CHST9: variants seen among roughly 807,000 people sequenced by gnomAD.
CHST9 encodes the protein carbohydrate sulfotransferase 9, also known as GalNAc-4-sulfotransferase 2.
Under a neutral mutation model 44.4 loss-of-function variants are expected in CHST9, and 41 were observed. The ratio of observed to expected loss-of-function variants is 0.92; its 90% CI spans 0.72 to 1.20. CHST9 has a LOEUF of 1.20. Ranked by LOEUF, CHST9 falls within the 50% of genes most tolerant of loss-of-function variation. The pLI is 0.00. For synonymous variants in CHST9, 171 were observed against 178.4 expected, an observed-to-expected ratio of 0.96 and a Z score of 0.33; for missense variants, 504 against 516.5, an observed-to-expected ratio of 0.98 and a Z score of 0.23.
intron 2 of CHST9, among the ~76,000 whole-genome samples, chr18:27,086,716 C>A (rs948269292): frequency 6.6e-6 from 1 of 151,984 alleles, no homozygotes; most frequent in Non-Finnish European, 1.5e-5. Flanking sequence ...TTTAAAAAAA[C>A]ACATACACAT....
rs539545350 is a variant in CHST9 at position 26,945,233 on chromosome 18, G to C, written c.203-867C>G. On this transcript the variant is annotated intron_variant, in intron 4 of 5. Coordinates refer to ENST00000618847, the MANE Select transcript of CHST9 (RefSeq NM_031422.6). Reference sequence around the variant, plus strand: ...TTTAATTTTAATTGAAATAACTGTTGAGTCACATGTAGTTGTAAGAAATAA... The same window carrying C: ...TTTAATTTTAATTGAAATAACTGTTCAGTCACATGTAGTTGTAAGAAATAA... Among the ~76,000 whole-genome samples the C allele has an allele frequency of 2.0e-5, 3 of 152,238 alleles. No individual in the cohort carries two copies. In the South Asian group the frequency reaches 6.2e-4, roughly 32 times the overall value.
At chr18:27,055,937 C>CATGT (rs1555680082) in intron 2 of CHST9, among the ~76,000 whole-genome samples, 3 of 147,344 alleles carry the variant, frequency 2.0e-5, no homozygotes, top group Non-Finnish European at 4.5e-5. Flanking sequence ...TTCTCTCTTT[C>CATGT]GTGTGTGTGT....
At chr18:26,994,512 G>A (rs2056862029) in intron 4 of CHST9, among the ~76,000 whole-genome samples, 1 of 152,040 alleles carries the variant, frequency 6.6e-6, no homozygotes, top group Non-Finnish European at 1.5e-5. Flanking sequence ...CTCCCAAATG[G>A]CTCTCAGTGG....
At chr18:26,968,540 C>A (rs1213675403) in intron 4 of CHST9, among the ~76,000 whole-genome samples, 4 of 152,030 alleles carry the variant, frequency 2.6e-5, no homozygotes, top group Admixed American at 6.6e-5. Context: ...AAATTAGATA[C>A]CTGTGTGCCA....
At chr18:27,107,001 C>A (rs1280671570) in intron 2 of CHST9, among the ~76,000 whole-genome samples, 1 of 152,038 alleles carries the variant, frequency 6.6e-6, no homozygotes, top group Non-Finnish European at 1.5e-5. Context: ...ACCGACATAG[C>A]TTAAATGTGG....
chr18:26,920,057 A>C (rs990695290), intron 5 of CHST9, among the ~76,000 whole-genome samples: 2 of 151,986 alleles, frequency 1.3e-5, no homozygotes, highest in Non-Finnish European at 2.9e-5. Context: ...TGATCTGTCC[A>C]CTTTACACAC....
At chr18:27,176,381 A>G (rs1486711116) in intron 1 of CHST9, among the ~76,000 whole-genome samples, 1 of 152,014 alleles carries the variant, frequency 6.6e-6, no homozygotes, top group Admixed American at 6.6e-5. Flanking sequence ...TTTCTACACA[A>G]AGGATGGTGA....
intron 3 of CHST9, among the ~76,000 whole-genome samples, chr18:27,048,079 T>A (rs1047979371): frequency 2.6e-5 from 4 of 152,086 alleles, no homozygotes; most frequent in Non-Finnish European, 4.4e-5. Flanking sequence ...CTGAAAAGCA[T>A]CCACTACATA....
At chr18:27,087,940 A>T (rs1195475432) in intron 2 of CHST9, among the ~76,000 whole-genome samples, 2 of 152,202 alleles carry the variant, frequency 1.3e-5, no homozygotes, top group Non-Finnish European at 2.9e-5. Context: ...CAAGAAGATC[A>T]TGTTAAAAAT....
intron 3 of CHST9, among the ~76,000 whole-genome samples, chr18:27,042,763 TTCTC>T (rs951335611): frequency 1.2e-4 from 18 of 151,678 alleles, no homozygotes; most frequent in African/African-American, 1.9e-4. Context: ...GATTAAGCTC[TTCTC>T]TCTCTATCTC....
intron 4 of CHST9, among the ~76,000 whole-genome samples, chr18:26,970,861 C>G (rs891417655): frequency 3.9e-5 from 6 of 152,138 alleles, no homozygotes; most frequent in African/African-American, 9.7e-5. Context: ...TGGCCTCTAC[C>G]CATGGTGATA....
chr18:27,053,246 GAAGA>G, intron 2 of CHST9, among the ~76,000 whole-genome samples: 6 of 100,760 alleles, frequency 6.0e-5, no homozygotes, highest in Non-Finnish European at 1.1e-4. Context: ...AGAAGAAGAA[GAAGA>G]AGAAGAAGAA....
At chr18:26,987,040 A>G (rs2056761914) in intron 4 of CHST9, among the ~76,000 whole-genome samples, 1 of 152,166 alleles carries the variant, frequency 6.6e-6, no homozygotes, top group Non-Finnish European at 1.5e-5. Context: ...GCTTTTCCCC[A>G]CCAAAATTCA....
intron 4 of CHST9, among the ~76,000 whole-genome samples, chr18:26,999,830 C>G (rs893069111): frequency 6.6e-6 from 1 of 152,018 alleles, no homozygotes; most frequent in African/African-American, 2.4e-5. Flanking sequence ...TAAGGGAAGT[C>G]TATGGATAAA....
At chr18:27,116,578 G>C (rs2058322413) in intron 2 of CHST9, among the ~76,000 whole-genome samples, 1 of 152,090 alleles carries the variant, frequency 6.6e-6, no homozygotes, top group Non-Finnish European at 1.5e-5. Context: ...GTTATTCTGA[G>C]TCTCTTGAAT....
chr18:26,933,484 C>T (rs955367860), intron 5 of CHST9: 2 of 153,364 alleles, frequency 1.3e-5, no homozygotes, highest in African/African-American at 2.4e-5. Context: ...CCGTGAGAAC[C>T]TCGCGCTAAG....
At chr18:27,168,860 A>C (rs1567947642) in intron 1 of CHST9, among the ~76,000 whole-genome samples, 1 of 152,238 alleles carries the variant, frequency 6.6e-6, no homozygotes, top group Non-Finnish European at 1.5e-5. Context: ...ATGTAAAGGG[A>C]GATTACCCTG....
rs191206893 is a variant in CHST9, at chr18:26,949,525, C to T, written c.203-5159G>A. Reference sequence around the variant, plus strand: ...GAGACCCTGTCTGAAAATAAACAAACAAACAAACAAAAAGATACAATGGGA... The same window carrying T: ...GAGACCCTGTCTGAAAATAAACAAATAAACAAACAAAAAGATACAATGGGA... On this transcript the variant is annotated intron_variant, in intron 4 of 5. Coordinates refer to ENST00000618847, the MANE Select transcript of CHST9 (RefSeq NM_031422.6). Among the ~76,000 whole-genome samples, 365 of 150,760 alleles carry T rather than the reference C, an allele frequency of 2.4e-3. 4 individuals are homozygous for T. The highest frequency in any genetic ancestry group is 8.6e-3 in the African/African-American group (353 of 41,034).
intron 2 of CHST9, among the ~76,000 whole-genome samples, chr18:27,062,303 C>A (rs1449960108): frequency 6.6e-6 from 1 of 151,856 alleles, no homozygotes; most frequent in African/African-American, 2.4e-5. Context: ...TAATGCTATC[C>A]CTCCCACCTC....
Sources: gnomAD v4.1 joint callset for allele counts (sites outside exome capture counted in the v4.1 genomes callset) on GRCh38, gnomAD v4.1.1 for gene constraint, MANE v1.5 for transcripts, NCBI Gene and HGNC (gene_info 2026-07-23, HGNC 2026-07-21) for gene names.